Variants in CSMD1 observed in about 807,000 individuals in gnomAD.
The protein encoded by CSMD1 is CUB and Sushi multiple domains 1, also known as CUB and sushi domain-containing protein 1.
A neutral mutation model predicts 417.5 loss-of-function variants in CSMD1; 213 were observed. That is an observed-to-expected ratio of 0.51 (90% CI 0.46 to 0.57). CSMD1 has a LOEUF of 0.57. Among genes scored for constraint, CSMD1 ranks in the 20% least tolerant of loss-of-function variants. The pLI, the probability that CSMD1 is intolerant of heterozygous loss-of-function variation, is 0.00. For missense variants in CSMD1, 6,923 were observed against 4,529.7 expected (o/e 1.53, Z -15.17); for synonymous variants, 2,862 against 1,736.8 (o/e 1.65, Z -16.11).
chr8:4,791,602 A>G (rs973505364), intron 1 of CSMD1, among the ~76,000 whole-genome samples: 1 of 152,200 alleles, frequency 6.6e-6, no homozygotes, highest in African/African-American at 2.4e-5. Flanking sequence ...CAGGACCTTA[A>G]GCAGCAATGT....
At chr8:3,821,943 T>A (rs532684077) in intron 5 of CSMD1, among the ~76,000 whole-genome samples, 1 of 152,210 alleles carries the variant, frequency 6.6e-6, no homozygotes, top group South Asian at 2.1e-4. Flanking sequence ...GAGGTTTTCC[T>A]ACATTTCCAG....
intron 2 of CSMD1, among the ~76,000 whole-genome samples, chr8:4,488,081 C>T (rs977750719): frequency 6.6e-6 from 1 of 152,162 alleles, no homozygotes; most frequent in African/African-American, 2.4e-5. Context: ...CATGTGAGGA[C>T]ACAGCTAGAA....
intron 3 of CSMD1, among the ~76,000 whole-genome samples, chr8:4,186,853 G>C (rs1013734799): frequency 1.4e-5 from 2 of 147,944 alleles, no homozygotes; most frequent in African/African-American, 2.5e-5. Context: ...AAAATCAGCC[G>C]GGCGTGGTGT....
intron 3 of CSMD1, among the ~76,000 whole-genome samples, chr8:4,179,110 G>T (rs182952296): frequency 9.9e-5 from 15 of 152,086 alleles, no homozygotes; most frequent in African/African-American, 3.4e-4. Flanking sequence ...AAAAGAGCCC[G>T]CATCGCCAAG....
At chr8:4,264,712 C>T (rs536247636) in intron 3 of CSMD1, among the ~76,000 whole-genome samples, 1 of 152,158 alleles carries the variant, frequency 6.6e-6, no homozygotes, top group Non-Finnish European at 1.5e-5. Context: ...AAAACAAACA[C>T]TGATTAACTG....
chr8:4,840,500 A>G (rs1800781238), intron 1 of CSMD1, among the ~76,000 whole-genome samples: 1 of 152,242 alleles, frequency 6.6e-6, no homozygotes, highest in South Asian at 2.1e-4. Flanking sequence ...GATGAAGTAA[A>G]TTAAGTTATG....
At chr8:4,779,420 CT>C (rs1222609835) in intron 1 of CSMD1, among the ~76,000 whole-genome samples, 2 of 152,148 alleles carry the variant, frequency 1.3e-5, no homozygotes, top group Admixed American at 6.5e-5. Flanking sequence ...AACATTACCC[CT>C]GTGAAAGAGA....
chr8:4,833,995 A>G (rs371774964), intron 1 of CSMD1, among the ~76,000 whole-genome samples: 13 of 152,274 alleles, frequency 8.5e-5, no homozygotes, highest in Admixed American at 2.6e-4. Context: ...ACAGGACCCC[A>G]TTTTTATAAA....
intron 3 of CSMD1, among the ~76,000 whole-genome samples, chr8:4,337,730 C>T (rs1051187182): frequency 1.3e-5 from 2 of 152,128 alleles, no homozygotes; most frequent in African/African-American, 4.8e-5. Context: ...TTGCCATTGA[C>T]ATAGAATGGA....
At chr8:4,202,973 C>T (rs1430796455) in intron 3 of CSMD1, among the ~76,000 whole-genome samples, 3 of 152,096 alleles carry the variant, frequency 2.0e-5, no homozygotes, top group Admixed American at 6.6e-5. Flanking sequence ...GAACGATTAC[C>T]TCCACCAAAG....
chr8:3,817,241 A>ATCT lies in CSMD1; in HGVS notation c.819-63202_819-63200dup, dbSNP rs1554447274. ...GGATCTCCAAATCCAAAGTGGTCAT[A>ATCT]TCTTCTTCTTCTTTTTTTTTTTTTT... On this transcript the variant is annotated intron_variant, in intron 5 of 69. Transcript: ENST00000635120. 3.1e-3 allele frequency among the ~76,000 whole-genome samples: 278 copies of ATCT among 89,630 alleles called. 3 individuals are homozygous for ATCT. Among genetic ancestry groups the ATCT allele is most frequent in the East Asian group, 0.025 (54 of 2,182 alleles). 58.8% of individuals were successfully genotyped at this position (89,630 alleles called of 152,430 possible). A position where few individuals can be genotyped will look rare whatever the true frequency, so the allele number is the denominator to read the frequency against.
intron 1 of CSMD1, among the ~76,000 whole-genome samples, chr8:4,750,853 G>C (rs1036527671): frequency 2.0e-5 from 3 of 152,056 alleles, no homozygotes; most frequent in South Asian, 2.1e-4. Flanking sequence ...ATGAGATATT[G>C]GGATTTAGTG....
At chr8:3,716,417 G>C (rs991811561) in intron 6 of CSMD1, among the ~76,000 whole-genome samples, 1 of 152,198 alleles carries the variant, frequency 6.6e-6, no homozygotes, top group African/African-American at 2.4e-5. Context: ...TTGATGATAT[G>C]CTAAACAAGG....
At chr8:3,753,518 G>A (rs1350320634) in intron 6 of CSMD1, among the ~76,000 whole-genome samples, 1 of 152,294 alleles carries the variant, frequency 6.6e-6, no homozygotes, top group East Asian at 1.9e-4. Context: ...GTGGTGTGAA[G>A]ACCTTTTAGG....
At chr8:3,935,344 T>G (rs1340805971) in intron 5 of CSMD1, among the ~76,000 whole-genome samples, 1 of 152,240 alleles carries the variant, frequency 6.6e-6, no homozygotes, top group Non-Finnish European at 1.5e-5. Flanking sequence ...CTTGGTTGTT[T>G]CACTTAAGAA....
At chr8:4,692,299 C>G (rs920801424) in intron 1 of CSMD1, among the ~76,000 whole-genome samples, 1 of 152,022 alleles carries the variant, frequency 6.6e-6, no homozygotes, top group African/African-American at 2.4e-5. Flanking sequence ...AAGGGAGAAA[C>G]TCATTAAAGG....
chr8:3,128,334 G>C (rs554628930), intron 41 of CSMD1: 5 of 152,948 alleles, frequency 3.3e-5, no homozygotes, highest in African/African-American at 1.2e-4. Context: ...TAGAAATAGA[G>C]TGCATGGCTT....
intron 7 of CSMD1, among the ~76,000 whole-genome samples, chr8:3,682,408 T>A (rs910405637): frequency 2.6e-5 from 4 of 152,082 alleles, no homozygotes; most frequent in African/African-American, 9.7e-5. Context: ...TCTCAAAAGA[T>A]GACCTTTATG....
intron 1 of CSMD1, among the ~76,000 whole-genome samples, chr8:4,729,865 G>C (rs998998315): frequency 6.6e-6 from 1 of 152,152 alleles, no homozygotes; most frequent in African/African-American, 2.4e-5. Flanking sequence ...TCTTTCTTTT[G>C]AATTCCTAAG....
Sources: allele counts gnomAD v4.1 joint callset (sites outside exome capture counted in the v4.1 genomes callset), GRCh38; gene constraint gnomAD v4.1.1; transcripts MANE v1.5; gene names NCBI Gene and HGNC (gene_info 2026-07-23, HGNC 2026-07-21).